Variants in PRSS23 observed in about 807,000 individuals in gnomAD.
PRSS23 encodes the protein protease, serine 23.
Under a neutral mutation model 34.7 loss-of-function variants are expected in PRSS23, and 25 were observed. The observed-to-expected ratio is 0.72, with a 90% confidence interval of 0.53 to 1.01. PRSS23 has a LOEUF of 1.01. Ranked by LOEUF, PRSS23 falls within the 50% of genes least tolerant of loss-of-function variation. The pLI, the probability that PRSS23 is intolerant of heterozygous loss-of-function variation, is 0.00. For missense variants in PRSS23, 445 were observed against 475.6 expected (o/e 0.94, Z 0.60); for synonymous variants, 176 against 186.6 (o/e 0.94, Z 0.46).
chr11:86,824,943 T>C (rs1948287409), intron 2 of PRSS23, among the ~76,000 whole-genome samples: 2 of 152,196 alleles, frequency 1.3e-5, no homozygotes, highest in African/African-American at 2.4e-5. Flanking sequence ...TAAACATACC[T>C]GTGTATGTGT....
At chr11:86,939,426 A>ATATATATATATTT in intron 2 of PRSS23, among the ~76,000 whole-genome samples, 65 of 94,060 alleles carry the variant, frequency 6.9e-4, no homozygotes, top group East Asian at 8.9e-4. Flanking sequence ...ATATATATAT[A>ATATATATATATTT]TTTTTTAACA....
intron 2 of PRSS23, among the ~76,000 whole-genome samples, chr11:86,863,535 G>A (rs17819217): frequency 0.13 from 19,287 of 152,104 alleles, 1,436 homozygotes; most frequent in East Asian, 0.19. Context: ...GCCTCAGAAC[G>A]AGAACCTTTA....
chr11:86,883,397 G>C (rs1169970333), intron 2 of PRSS23, among the ~76,000 whole-genome samples: 2 of 152,188 alleles, frequency 1.3e-5, no homozygotes, highest in East Asian at 3.8e-4. Flanking sequence ...ATGGGGAAAG[G>C]ATTCCCTATT....
chr11:86,894,395 A>G (rs558911946), intron 2 of PRSS23, among the ~76,000 whole-genome samples: 2 of 152,322 alleles, frequency 1.3e-5, no homozygotes, highest in African/African-American at 4.8e-5. Context: ...TATTTCAAAG[A>G]CAATGAATGT....
chr11:86,947,246 G>C (rs927555199), intron 2 of PRSS23: 1 of 171,286 alleles, frequency 5.8e-6, no homozygotes, highest in African/African-American at 2.4e-5. Flanking sequence ...ACAAAAAAAA[G>C]GTTCCTTCCA....
chr11:86,812,317 G>A (rs905897098), downstream of PRSS23, among the ~76,000 whole-genome samples: 4 of 152,150 alleles, frequency 2.6e-5, no homozygotes, highest in Admixed American at 6.5e-5. Flanking sequence ...TCTTTGCCTG[G>A]CTCAGCATTC....
At chr11:86,946,599 G>A (rs985083119) in intron 2 of PRSS23, 1 of 152,458 alleles carries the variant, frequency 6.6e-6, no homozygotes, top group African/African-American at 2.4e-5. Flanking sequence ...GCAAGAGACA[G>A]CAACAGAAAG....
rs183113902 is a variant in PRSS23 at position 86,923,225 on chromosome 11, G to C, written c.207-27991G>C. Among the ~76,000 whole-genome samples, 6 of 150,750 alleles carry C rather than the reference G, an allele frequency of 4.0e-5. No individual in the cohort carries two copies. In the East Asian group the frequency reaches 1.2e-3, roughly 29 times the overall value. ...TGCAACCTCGAACTCCTGGGCTCAA[G>C]TGAGCCTTCCACCTCTGCCTCTCAA... On this transcript the variant is annotated intron_variant, in intron 2 of 2. Transcript: ENST00000533902.
chr11:86,808,174 A>G lies in PRSS23; in HGVS notation c.531A>G (p.Ile177Met), dbSNP rs760231496. Reference protein sequence around the residue: ...EKHVLTAAHCIHDGKTYVKGT... With the variant: ...EKHVLTAAHCMHDGKTYVKGT... ...ATGTCCTCACAGCTGCCCACTGCAT[A>G]CACGATGGAAAAACCTATGTGAAAG... The change falls in exon 2 of 2, where the codon ATA becomes ATG. Residue 177 changes from isoleucine to methionine, a missense_variant. Ile to Met is a conservative substitution (Grantham distance 10). Transcript: ENST00000280258. 1 of 1,614,190 alleles carries G rather than the reference A, an allele frequency of 6.2e-7. No homozygotes were observed. Among genetic ancestry groups the G allele is most frequent in the South Asian group, 1.1e-5 (1 of 91,084 alleles).
intron 2 of PRSS23, among the ~76,000 whole-genome samples, chr11:86,824,177 G>A (rs930506729): frequency 4.0e-5 from 6 of 151,356 alleles, no homozygotes; most frequent in Admixed American, 6.6e-5. Context: ...GCATGGCCCC[G>A]TATGCCTGTG....
chr11:86,799,961 A>C (rs1344841910), upstream of PRSS23, among the ~76,000 whole-genome samples: 1 of 152,162 alleles, frequency 6.6e-6, no homozygotes, highest in Non-Finnish European at 1.5e-5. Context: ...GGCACCGGAG[A>C]AACTAGGAGT....
At chr11:86,801,717 T>G (rs1239289291) in intron 1 of PRSS23, among the ~76,000 whole-genome samples, 1 of 152,188 alleles carries the variant, frequency 6.6e-6, no homozygotes, top group Non-Finnish European at 1.5e-5. Flanking sequence ...ATGCGAGTAT[T>G]TGTGACAGGT....
chr11:86,800,508 C>A (rs1948019864), upstream of PRSS23: 1 of 984,292 alleles, frequency 1.0e-6, no homozygotes, highest in East Asian at 1.1e-4. Flanking sequence ...GGGGGCGGAC[C>A]CGCCAGCTGC....
chr11:86,903,481 C>CTTTTT (rs10688682), intron 2 of PRSS23, among the ~76,000 whole-genome samples: 2 of 124,958 alleles, frequency 1.6e-5, no homozygotes, highest in African/African-American at 3.1e-5. Context: ...AACATACAAT[C>CTTTTT]TTTTTTTTTT....
rs12280127 is a variant in PRSS23, at chr11:86,823,113, C to T, written c.-11-264C>T. Among the ~76,000 whole-genome samples, 1,086 of 152,270 alleles carry T rather than the reference C, an allele frequency of 7.1e-3. 22 individuals carry two copies. The highest frequency in any genetic ancestry group is 0.025 in the African/African-American group (1,029 of 41,550). On this transcript the variant is annotated intron_variant, in intron 1 of 2. Coordinates refer to the PRSS23 transcript ENST00000533902. ...TCAGGGGATGGGGGCAAGTTACTTT[C>T]CCTAAAAGAATGAAGAGGCTACATC...
chr11:86,874,694 T>G (rs1948710836), intron 2 of PRSS23, among the ~76,000 whole-genome samples: 1 of 152,258 alleles, frequency 6.6e-6, no homozygotes, highest in Non-Finnish European at 1.5e-5. Flanking sequence ...AACTTTGTAG[T>G]GTAAAACAAA....
intron 2 of PRSS23, among the ~76,000 whole-genome samples, chr11:86,931,415 A>G (rs1196577738): frequency 6.6e-6 from 1 of 152,222 alleles, no homozygotes; most frequent in Non-Finnish European, 1.5e-5. Context: ...CAGCAATACA[A>G]TGGAAGGAAT....
At chr11:86,930,345 C>T (rs1949115615) in intron 2 of PRSS23, among the ~76,000 whole-genome samples, 2 of 152,052 alleles carry the variant, frequency 1.3e-5, no homozygotes, top group South Asian at 4.1e-4. Flanking sequence ...GACAACAGTG[C>T]AGTGAATGTT....
chr11:86,845,119 C>T (rs1002946006), intron 2 of PRSS23, among the ~76,000 whole-genome samples: 1 of 151,134 alleles, frequency 6.6e-6, no homozygotes, highest in Non-Finnish European at 1.5e-5. Context: ...TTAAGTAAGT[C>T]GAAGTCACAC....
Sources: gnomAD v4.1 joint callset for allele counts (sites outside exome capture counted in the v4.1 genomes callset) on GRCh38, gnomAD v4.1.1 for gene constraint, MANE v1.5 for transcripts, NCBI Gene and HGNC (gene_info 2026-07-23, HGNC 2026-07-21) for gene names.